The following RALGAPA2 variants were observed in gnomAD, a reference collection of about 807,000 sequenced individuals.
The protein encoded by RALGAPA2 is Ral GTPase activating protein catalytic subunit alpha 2.
Under a neutral mutation model 230.4 loss-of-function variants are expected in RALGAPA2, and 139 were observed. That is an observed-to-expected ratio of 0.60 (90% CI 0.53 to 0.69). The LOEUF is 0.69. Ranked by LOEUF, RALGAPA2 falls within the 30% of genes least tolerant of loss-of-function variation. The pLI is 0.00. For synonymous variants in RALGAPA2, 847 were observed against 837.8 expected, an observed-to-expected ratio of 1.01 and a Z score of -0.19; for missense variants, 2,163 against 2,276.0, an observed-to-expected ratio of 0.95 and a Z score of 1.01.
At chr20:20,506,331 TC>T (rs1374341718) in intron 33 of RALGAPA2, among the ~76,000 whole-genome samples, 1 of 152,200 alleles carries the variant, frequency 6.6e-6, no homozygotes, top group East Asian at 1.9e-4. Flanking sequence ...TAGTAGGTGT[TC>T]AGTTAAGTCT....
intron 18 of RALGAPA2, 46 bp downstream of exon 18, chr20:20,589,222 A>G: frequency 6.6e-7 from 1 of 1,518,148 alleles, no homozygotes; most frequent in South Asian, 1.3e-5. Flanking sequence ...GCACTAATTA[A>G]TGTTTATTTT....
chr20:20,551,057 T>G (rs1205030569), intron 23 of RALGAPA2, among the ~76,000 whole-genome samples: 1 of 152,196 alleles, frequency 6.6e-6, no homozygotes, highest in African/African-American at 2.4e-5. Flanking sequence ...AGCAACACCC[T>G]TAACAAAGCT....
chr20:20,688,229 C>A (rs1185776919), intron 1 of RALGAPA2, among the ~76,000 whole-genome samples: 1 of 151,860 alleles, frequency 6.6e-6, no homozygotes, highest in Non-Finnish European at 1.5e-5. Context: ...TCACTTGAAC[C>A]CAGGAGGCAG....
intron 31 of RALGAPA2, among the ~76,000 whole-genome samples, chr20:20,517,699 T>C (rs1273625007): frequency 6.6e-6 from 1 of 151,272 alleles, no homozygotes; most frequent in Non-Finnish European, 1.5e-5. Context: ...ATACAAAGAC[T>C]CTCTATAACC....
At chr20:20,395,846 G>C (rs931875861) in intron 39 of RALGAPA2, among the ~76,000 whole-genome samples, 1 of 152,230 alleles carries the variant, frequency 6.6e-6, no homozygotes, top group African/African-American at 2.4e-5. Flanking sequence ...CTGAGACAAA[G>C]TGACTGGTGT....
chr20:20,455,680 C>T (rs12480112), intron 37 of RALGAPA2, among the ~76,000 whole-genome samples: 3,027 of 152,140 alleles, frequency 0.02, 37 homozygotes, highest in South Asian at 0.027. Context: ...GCCATCAGGC[C>T]GGCTCTTACT....
At chr20:20,650,981 T>C (rs1214127205) in intron 4 of RALGAPA2, among the ~76,000 whole-genome samples, 1 of 152,216 alleles carries the variant, frequency 6.6e-6, no homozygotes, top group East Asian at 1.9e-4. Flanking sequence ...TCTGAATTCA[T>C]ATGCCTGCAA....
chr20:20,431,260 T>C (rs1199583336), intron 37 of RALGAPA2, among the ~76,000 whole-genome samples: 4 of 152,162 alleles, frequency 2.6e-5, no homozygotes, highest in Non-Finnish European at 5.9e-5. Context: ...GAGTCTAGAC[T>C]GACACTGCTG....
chr20:20,542,886 C>T (rs1407738604), intron 24 of RALGAPA2, among the ~76,000 whole-genome samples: 1 of 152,116 alleles, frequency 6.6e-6, no homozygotes, highest in Non-Finnish European at 1.5e-5. Context: ...AAAGCAATGG[C>T]AACAAAAGCC....
chr20:20,428,648 T>A (rs1488123197), intron 37 of RALGAPA2, among the ~76,000 whole-genome samples: 1 of 152,084 alleles, frequency 6.6e-6, no homozygotes, highest in Non-Finnish European at 1.5e-5. Context: ...TGGTGGCCCA[T>A]CCACATCAGA....
chr20:20,400,583 C>T (rs1001963021), intron 38 of RALGAPA2, among the ~76,000 whole-genome samples: 4 of 152,134 alleles, frequency 2.6e-5, no homozygotes, highest in African/African-American at 9.7e-5. Context: ...TTGGTGTCAA[C>T]TTTCTTGTTA....
intron 37 of RALGAPA2, among the ~76,000 whole-genome samples, chr20:20,468,345 G>C (rs928859399): frequency 6.6e-6 from 1 of 152,112 alleles, no homozygotes; most frequent in African/African-American, 2.4e-5. Context: ...TCCCATCTGG[G>C]GGTATAACTC....
chr20:20,605,502 A>T (rs1568639747), intron 14 of RALGAPA2, 90 bp from the exon 15 acceptor site: 4 of 958,964 alleles, frequency 4.2e-6, no homozygotes, highest in Non-Finnish European at 6.2e-6. Context: ...ACTATTAATA[A>T]CACAAATTTT....
At chr20:20,586,555 T>C (rs1341991474) in intron 18 of RALGAPA2, among the ~76,000 whole-genome samples, 1 of 152,110 alleles carries the variant, frequency 6.6e-6, no homozygotes, top group Admixed American at 6.5e-5. Context: ...GATAATCAGA[T>C]AAAAAATTCA....
chr20:20,418,295 T>C (rs1363098828), intron 37 of RALGAPA2, among the ~76,000 whole-genome samples: 1 of 152,178 alleles, frequency 6.6e-6, no homozygotes, highest in East Asian at 1.9e-4. Flanking sequence ...TACAACAAAA[T>C]ACCATCTTAT....
intron 1 of RALGAPA2, among the ~76,000 whole-genome samples, chr20:20,682,014 T>C (rs904543452): frequency 1.3e-5 from 2 of 152,244 alleles, no homozygotes; most frequent in Non-Finnish European, 2.9e-5. Flanking sequence ...TGTGAATCTA[T>C]GTGAACATAC....
rs565302775 is a variant in RALGAPA2 at position 20,647,720 on chromosome 20, AT to A, written c.329-4172del. Among the ~76,000 whole-genome samples the A allele has an allele frequency of 2.6e-5, 4 of 152,198 alleles. No individual in the cohort carries two copies. In the South Asian group the frequency reaches 8.3e-4, roughly 32 times the overall value. On this transcript the variant is annotated intron_variant, in intron 4 of 39. Coordinates refer to ENST00000202677, the MANE Select transcript of RALGAPA2 (RefSeq NM_020343.4). ...AATATTTCCAAGGCATCAATCTGAG[AT>A]TTTTTTTAATGGGCAATAGATTTGA...
chr20:20,593,066 C>T (rs1279262598), intron 16 of RALGAPA2, among the ~76,000 whole-genome samples: 5 of 152,136 alleles, frequency 3.3e-5, no homozygotes, highest in Admixed American at 3.3e-4. Flanking sequence ...TTCTGGTGCA[C>T]ACCACTATAC....
chr20:20,531,675 A>G lies in RALGAPA2; in HGVS notation c.3582+12T>C. ...GGCTTAATATCCAATCAGCACCACA[A>G]ACTGGTAATACCTTCAGAGTTACTC... On this transcript the variant is annotated intron_variant, in intron 27 of 39. Coordinates refer to ENST00000202677, the MANE Select transcript of RALGAPA2 (RefSeq NM_020343.4). 1 of 1,577,246 alleles carries G rather than the reference A, an allele frequency of 6.3e-7. No homozygotes were observed.
Sources: allele counts gnomAD v4.1 joint callset (sites outside exome capture counted in the v4.1 genomes callset), GRCh38; gene constraint gnomAD v4.1.1; transcripts MANE v1.5; gene names NCBI Gene and HGNC (gene_info 2026-07-23, HGNC 2026-07-21).